NRG3: variants seen among roughly 807,000 people sequenced by gnomAD.
NRG3 encodes pro-neuregulin-3, membrane-bound isoform.
A neutral mutation model predicts 66.9 loss-of-function variants in NRG3; 31 were observed. That is an observed-to-expected ratio of 0.46 (90% confidence interval 0.35 to 0.63). NRG3 has a LOEUF of 0.63. Ranked by LOEUF, NRG3 falls within the 20% of genes least tolerant of loss-of-function variation. The pLI is 0.00. For missense variants in NRG3, 910 were observed against 878.9 expected, an observed-to-expected ratio of 1.04 and a Z score of -0.45; for synonymous variants, 393 against 359.4, an observed-to-expected ratio of 1.09 and a Z score of -1.06.
chr10:82,036,474 G>A (rs1208475734), intron 1 of NRG3, among the ~76,000 whole-genome samples: 1 of 152,096 alleles, frequency 6.6e-6, no homozygotes, highest in African/African-American at 2.4e-5. Context: ...CTTCCTCGTT[G>A]TAAGGGGTTG....
At chr10:82,955,407 G>C (rs923124278) in intron 5 of NRG3, among the ~76,000 whole-genome samples, 2 of 151,908 alleles carry the variant, frequency 1.3e-5, no homozygotes, top group African/African-American at 2.4e-5. Context: ...AGCCTGTCAA[G>C]TCTGGCCAGT....
At chr10:82,057,270 C>G (rs1050627925) in intron 1 of NRG3, among the ~76,000 whole-genome samples, 1 of 151,558 alleles carries the variant, frequency 6.6e-6, no homozygotes, top group African/African-American at 2.4e-5. Context: ...GGTTCTTTAT[C>G]AAATACGTAT....
At chr10:82,786,833 G>C (rs1482899549) in intron 3 of NRG3, among the ~76,000 whole-genome samples, 2 of 152,252 alleles carry the variant, frequency 1.3e-5, no homozygotes, top group South Asian at 2.1e-4. Flanking sequence ...CATTGCAGGA[G>C]TGGGTTAGTT....
intron 2 of NRG3, among the ~76,000 whole-genome samples, chr10:82,709,671 G>A (rs1377421017): frequency 2.0e-5 from 3 of 152,012 alleles, no homozygotes; most frequent in Non-Finnish European, 4.4e-5. Flanking sequence ...TTTAAGCTTG[G>A]CTTGTTTTCT....
intron 1 of NRG3, among the ~76,000 whole-genome samples, chr10:82,180,835 T>C (rs1429578699): frequency 1.3e-5 from 2 of 151,894 alleles, no homozygotes; most frequent in Non-Finnish European, 2.9e-5. Flanking sequence ...AATTCCTCTT[T>C]AAGTGTTTAG....
intron 1 of NRG3, among the ~76,000 whole-genome samples, chr10:82,077,133 T>A (rs910691053): frequency 1.3e-5 from 2 of 152,198 alleles, no homozygotes; most frequent in Admixed American, 1.3e-4. Context: ...CAAAATATGA[T>A]TTTAGAGCCA....
chr10:82,538,644 T>C (rs1266505805), intron 2 of NRG3, among the ~76,000 whole-genome samples: 1 of 152,010 alleles, frequency 6.6e-6, no homozygotes, highest in African/African-American at 2.4e-5. Flanking sequence ...GCAGACACTC[T>C]GAAAAGTACG....
intron 2 of NRG3, among the ~76,000 whole-genome samples, chr10:82,370,604 C>G (rs1410118067): frequency 9.5e-6 from 1 of 104,736 alleles, no homozygotes; most frequent in Non-Finnish European, 1.7e-5. Flanking sequence ...CTCTTCAACC[C>G]AGTATTTTCC....
At chr10:82,247,774 C>G (rs1241278686) in intron 1 of NRG3, among the ~76,000 whole-genome samples, 1 of 152,124 alleles carries the variant, frequency 6.6e-6, no homozygotes, top group Non-Finnish European at 1.5e-5. Flanking sequence ...TTGGATATTT[C>G]TAGTAATTTA....
intron 2 of NRG3, among the ~76,000 whole-genome samples, chr10:82,572,361 T>A (rs1197480701): frequency 6.6e-6 from 1 of 151,362 alleles, no homozygotes; most frequent in African/African-American, 2.4e-5. Flanking sequence ...AAAAAAAAAA[T>A]CATTATTCTA....
chr10:82,955,261 G>C lies in NRG3; in HGVS notation c.1158-3688G>C, dbSNP rs559167340. 7.9e-5 allele frequency: 12 copies of C among 151,980 alleles called. 1 individual carries two copies. In the South Asian group the frequency reaches 2.1e-3, roughly 26 times the overall value. The allele number at this position is 151,980 out of a possible 1,614,324, so 9.4% of individuals were successfully genotyped here. ...AGGTAACATGATAAGGAATAAGTAAGAAACACCTTGAATTTAGAGGATTTT... is the reference window on the plus strand; with the variant it reads ...AGGTAACATGATAAGGAATAAGTAACAAACACCTTGAATTTAGAGGATTTT... On this transcript the variant is annotated intron_variant, in intron 5 of 8. Coordinates refer to ENST00000372141, the MANE Select transcript of NRG3 (RefSeq NM_001010848.4).
At chr10:82,444,904 G>A (rs1194667001) in intron 2 of NRG3, among the ~76,000 whole-genome samples, 2 of 152,154 alleles carry the variant, frequency 1.3e-5, no homozygotes, top group Non-Finnish European at 2.9e-5. Flanking sequence ...CAACAAAGAT[G>A]GATTTGCATA....
chr10:82,844,027 T>C (rs964514552), intron 3 of NRG3, among the ~76,000 whole-genome samples: 10 of 152,128 alleles, frequency 6.6e-5, no homozygotes, highest in Admixed American at 6.5e-4. Context: ...TAGATCTATA[T>C]ATAAATATAT....
At chr10:82,548,533 A>T (rs1164616293) in intron 2 of NRG3, among the ~76,000 whole-genome samples, 3 of 139,072 alleles carry the variant, frequency 2.2e-5, no homozygotes, top group Non-Finnish European at 4.5e-5. Context: ...TCACACACAC[A>T]CACACACACA....
intron 1 of NRG3, among the ~76,000 whole-genome samples, chr10:82,335,247 G>A (rs1019859920): frequency 2.6e-5 from 4 of 152,192 alleles, no homozygotes; most frequent in Non-Finnish European, 4.4e-5. Context: ...TCTGTGACAA[G>A]GGAGCCTAGC....
chr10:82,310,144 T>C (rs887416702), intron 1 of NRG3, among the ~76,000 whole-genome samples: 1 of 152,198 alleles, frequency 6.6e-6, no homozygotes, highest in Non-Finnish European at 1.5e-5. Context: ...AGTAATCTTT[T>C]CATGTAAGAG....
chr10:82,404,102 T>G (rs953337990), intron 2 of NRG3, among the ~76,000 whole-genome samples: 2 of 152,170 alleles, frequency 1.3e-5, no homozygotes, highest in African/African-American at 2.4e-5. Flanking sequence ...TTTCTGACAT[T>G]TTAGGTTTTT....
intron 3 of NRG3, among the ~76,000 whole-genome samples, chr10:82,850,031 T>A (rs1330564208): frequency 6.6e-6 from 1 of 152,080 alleles, no homozygotes; most frequent in East Asian, 1.9e-4. Flanking sequence ...ACCATCCAGG[T>A]GAGAGAAGTG....
intron 2 of NRG3, among the ~76,000 whole-genome samples, chr10:82,469,567 C>G (rs549038123): frequency 6.6e-6 from 1 of 152,118 alleles, no homozygotes; most frequent in Non-Finnish European, 1.5e-5. Context: ...AGGGAGTGAT[C>G]ATGGCTAGGC....
Sources: allele counts gnomAD v4.1 joint callset (sites outside exome capture counted in the v4.1 genomes callset), GRCh38; gene constraint gnomAD v4.1.1; transcripts MANE v1.5; gene names NCBI Gene and HGNC (gene_info 2026-07-23, HGNC 2026-07-21).